Variants in SLC49A3 observed in about 807,000 individuals in gnomAD.
SLC49A3 encodes solute carrier family 49 member A3.
A neutral mutation model predicts 43.8 loss-of-function variants in SLC49A3; 50 were observed. That is an observed-to-expected ratio of 1.14 (90% CI 0.91 to 1.45). The LOEUF is 1.45. Ranked by LOEUF, SLC49A3 falls within the 40% of genes most tolerant of loss-of-function variation. The pLI, the probability that SLC49A3 is intolerant of heterozygous loss-of-function variation, is 0.00. For missense variants in SLC49A3, 906 were observed against 774.1 expected (o/e 1.17, Z -2.02); for synonymous variants, 413 against 352.0 (o/e 1.17, Z -1.94).
Position 681,877 on chromosome 4 carries a change from T to C in SLC49A3, c.*81A>G. 7.6e-7 allele frequency: 1 copy of C among 1,311,588 alleles called. No homozygotes were observed. Among genetic ancestry groups the C allele is most frequent in the Non-Finnish European group, 9.8e-7 (1 of 1,021,496 alleles). The allele number at this position is 1,311,588 out of a possible 1,614,324, so 81.2% of individuals were successfully genotyped here. A position where few individuals can be genotyped will look rare whatever the true frequency, so the allele number is the denominator to read the frequency against. On this transcript the variant is annotated 3_prime_UTR_variant, in exon 10 of 10. Coordinates refer to ENST00000322224, the MANE Select transcript of SLC49A3 (RefSeq NM_032219.4). Reference sequence around the variant, plus strand: ...CTCCCGGAGCCCGCAAGGAGCCCTTTCGCCCCCGCCCGCAGGTGGACCAGA... The same window carrying C: ...CTCCCGGAGCCCGCAAGGAGCCCTTCCGCCCCCGCCCGCAGGTGGACCAGA...
At chr4:686,789 G>C (rs1577368763) in intron 1 of SLC49A3, 99 bp from the exon 2 acceptor site, 2 of 1,444,858 alleles carry the variant, frequency 1.4e-6, no homozygotes, top group Non-Finnish European at 1.9e-6. Context: ...CAGCAGCCCC[G>C]TGAGGCCGAG....
upstream of SLC49A3, among the ~76,000 whole-genome samples, chr4:690,125 T>C (rs1474654231): frequency 6.6e-6 from 1 of 152,224 alleles, no homozygotes; most frequent in Admixed American, 6.5e-5. Flanking sequence ...CACCTGAGTC[T>C]GAACAGGCTA....
chr4:684,320 C>T (rs545373838), intron 6 of SLC49A3, among the ~76,000 whole-genome samples, 163 bp downstream of exon 6: 2 of 152,320 alleles, frequency 1.3e-5, no homozygotes, highest in African/African-American at 4.8e-5. Context: ...TGCCTGTGGA[C>T]ATAATGTCAC....
chr4:689,343 T>G, upstream of SLC49A3: 1 of 323,672 alleles, frequency 3.1e-6, no homozygotes. Context: ...AAAGGTGAAG[T>G]TGGACCCTCC....
upstream of SLC49A3, among the ~76,000 whole-genome samples, chr4:690,842 T>C (rs1463904721): frequency 6.6e-6 from 1 of 152,272 alleles, no homozygotes; most frequent in Non-Finnish European, 1.5e-5. Context: ...CATTGCAGAA[T>C]GCAAGATCAG....
downstream of SLC49A3, among the ~76,000 whole-genome samples, chr4:680,281 G>A (rs116369791): frequency 4.0e-3 from 607 of 152,244 alleles, 3 homozygotes; most frequent in African/African-American, 0.014. Flanking sequence ...TCCAGGCCTG[G>A]GCTGACCCTG....
intron 8 of SLC49A3, 101 bp from the exon 9 acceptor site, chr4:682,991 C>A (rs930373852): frequency 8.3e-7 from 1 of 1,201,620 alleles, no homozygotes; most frequent in African/African-American, 1.5e-5. Context: ...CTTGTGCCAC[C>A]ACCCTCCTGA....
chr4:680,964 C>A, downstream of SLC49A3: 1 of 1,080,380 alleles, frequency 9.3e-7, no homozygotes, highest in Non-Finnish European at 1.4e-6. Flanking sequence ...CCCAGGGCCA[C>A]ACTCCAGCGG....
chr4:676,836 C>T (rs1738887650), downstream of SLC49A3: 22 of 978,688 alleles, frequency 2.2e-5, no homozygotes, highest in South Asian at 1.0e-3. Flanking sequence ...TGCAGTCGGC[C>T]CCAGGTCCCT....
intron 9 of SLC49A3, 63 bp from the exon 10 acceptor site, chr4:682,439 CA>C: frequency 1.5e-6 from 2 of 1,301,274 alleles, no homozygotes; most frequent in South Asian, 3.0e-5. Flanking sequence ...GGGCAGAGCC[CA>C]ATGCTGGCCT....
At chr4:681,163 C>T, downstream of SLC49A3, 1 of 1,598,066 alleles carries the variant, frequency 6.3e-7, no homozygotes, top group Non-Finnish European at 8.5e-7. Flanking sequence ...GCTTCCCTGC[C>T]AAGCCCACGA....
At chr4:683,981 C>T (rs1740440875) in intron 6 of SLC49A3, among the ~76,000 whole-genome samples, 2 of 152,120 alleles carry the variant, frequency 1.3e-5, no homozygotes, top group Non-Finnish European at 2.9e-5. Context: ...AGGGAAGAGC[C>T]TGTCTCCACA....
rs1739765702 is a variant in SLC49A3, at chr4:681,963, T to G, written c.1675A>C (p.Thr559Pro). The G allele has an allele frequency of 7.3e-7, 1 of 1,371,878 alleles. No homozygotes were observed. The highest frequency in any genetic ancestry group is 1.5e-5 in the African/African-American group (1 of 66,682). The allele number at this position is 1,371,878 out of a possible 1,614,324, so 85.0% of individuals were successfully genotyped here. A position where few individuals can be genotyped will look rare whatever the true frequency, so the allele number is the denominator to read the frequency against. Residue 559 changes from threonine to proline, a missense_variant, in exon 10 of 10, where the codon ACG becomes CCG. Coordinates refer to ENST00000322224, the MANE Select transcript of SLC49A3 (RefSeq NM_032219.4). ...CTGGACTACAAGGCGCTCAGCTACG[T>G]GATCACCCACGGGGAGGAGAAGGAG... The part of the protein sequence containing the change: ...HSSFSSPWVI[T>P]
At chr4:689,393 G>C (rs1041540408), upstream of SLC49A3, 2 of 285,174 alleles carry the variant, frequency 7.0e-6, no homozygotes, top group African/African-American at 4.4e-5. Context: ...CACAAAAACC[G>C]AATGTCCCTT....
intron 2 of SLC49A3, 48 bp from the exon 3 acceptor site, chr4:686,350 C>CA: frequency 6.3e-7 from 1 of 1,594,902 alleles, no homozygotes; most frequent in Middle Eastern, 1.7e-4. Flanking sequence ...GCCACCAGCC[C>CA]AAGTGCCTGC....
chr4:678,529 G>T (rs528153509), downstream of SLC49A3: 1 of 1,461,180 alleles, frequency 6.8e-7, no homozygotes, highest in South Asian at 1.4e-5. Flanking sequence ...CTCCTCAGCT[G>T]TCTGGCCCCC....
At chr4:680,558 G>A (rs1323459931), downstream of SLC49A3, 4 of 1,613,454 alleles carry the variant, frequency 2.5e-6, no homozygotes, top group Admixed American at 1.7e-5. Flanking sequence ...TGCTGGACCC[G>A]GACGGGAAAG....
chr4:677,863 C>T (rs1739003005), downstream of SLC49A3: 4 of 1,230,142 alleles, frequency 3.3e-6, no homozygotes, highest in Admixed American at 5.2e-5. Context: ...TGCCAGGCTG[C>T]CAAAGCTCAC....
At chr4:680,640 T>A, downstream of SLC49A3, 1 of 1,573,772 alleles carries the variant, frequency 6.4e-7, no homozygotes, top group East Asian at 2.2e-5. Context: ...CCCAGTGATC[T>A]CATCCTGTCC....
Sources: allele counts gnomAD v4.1 joint callset (sites outside exome capture counted in the v4.1 genomes callset), GRCh38; gene constraint gnomAD v4.1.1; transcripts MANE v1.5; gene names NCBI Gene and HGNC (gene_info 2026-07-23, HGNC 2026-07-21).